Variants in PTK2 observed in about 807,000 individuals in gnomAD.
PTK2 encodes protein tyrosine kinase 2.
Under a neutral mutation model 150.1 loss-of-function variants are expected in PTK2, and 45 were observed. The observed-to-expected ratio is 0.30, with a 90% CI of 0.24 to 0.38. The LOEUF (loss-of-function observed/expected upper bound fraction) is 0.38. PTK2 is among the 10% of genes least tolerant of loss of function. The probability of loss-of-function intolerance (pLI) is 1.00; values close to 1 mark genes in which losing one functional copy is unlikely to be tolerated. For synonymous variants in PTK2, 432 were observed against 449.2 expected, an observed-to-expected ratio of 0.96 and a Z score of 0.48; for missense variants, 919 against 1,307.3, an observed-to-expected ratio of 0.70 and a Z score of 4.58.
chr8:140,823,738 G>A (rs1309100916), intron 8 of PTK2, among the ~76,000 whole-genome samples: 1 of 152,128 alleles, frequency 6.6e-6, no homozygotes, highest in East Asian at 1.9e-4. Context: ...ATGCATCACG[G>A]GCAGTCCCAC....
intron 4 of PTK2, 148 bp downstream of exon 4, chr8:140,879,323 T>TGAA (rs1281262167): frequency 1.2e-6 from 1 of 807,576 alleles, no homozygotes; most frequent in Non-Finnish European, 1.8e-6. Context: ...AGATCATTCG[T>TGAA]TAATAATTAC....
chr8:140,974,829 A>G (rs1306624788), intron 1 of PTK2, among the ~76,000 whole-genome samples: 2 of 152,178 alleles, frequency 1.3e-5, no homozygotes, highest in African/African-American at 4.8e-5. Flanking sequence ...CTAAGAGACA[A>G]TGTTCCCTCA....
chr8:140,751,071 A>G (rs562276872), intron 17 of PTK2, among the ~76,000 whole-genome samples: 2 of 152,062 alleles, frequency 1.3e-5, no homozygotes, highest in Non-Finnish European at 2.9e-5. Flanking sequence ...CGAGACAGAC[A>G]CTGCCTCAAA....
chr8:140,932,500 G>A (rs1349628802), intron 1 of PTK2, among the ~76,000 whole-genome samples: 1 of 152,150 alleles, frequency 6.6e-6, no homozygotes, highest in Non-Finnish European at 1.5e-5. Flanking sequence ...ACAGATGTGA[G>A]CCACCATTTC....
chr8:140,923,617 A>C (rs1485997525), intron 2 of PTK2, among the ~76,000 whole-genome samples: 1 of 152,256 alleles, frequency 6.6e-6, no homozygotes, highest in African/African-American at 2.4e-5. Flanking sequence ...TAATGGCAAC[A>C]TAAGTGAAAA....
chr8:140,797,666 T>C (rs975092982), intron 12 of PTK2, among the ~76,000 whole-genome samples: 3 of 152,142 alleles, frequency 2.0e-5, no homozygotes, highest in Non-Finnish European at 2.9e-5. Flanking sequence ...CACTGCAAAA[T>C]TGATTGTATA....
At chr8:140,800,045 T>C (rs1040836634) in intron 12 of PTK2, among the ~76,000 whole-genome samples, 5 of 152,228 alleles carry the variant, frequency 3.3e-5, no homozygotes, top group African/African-American at 4.8e-5. Context: ...CTTTCTTCTT[T>C]GAATGCTCTA....
intron 8 of PTK2, among the ~76,000 whole-genome samples, chr8:140,820,234 G>A (rs533736370): frequency 1.6e-4 from 24 of 151,392 alleles, no homozygotes; most frequent in African/African-American, 4.8e-4. Context: ...CTGAGTAGCT[G>A]GGATTACAGG....
intron 4 of PTK2, 162 bp downstream of exon 4, chr8:140,879,309 G>A (rs2100147554): frequency 1.4e-6 from 1 of 690,762 alleles, no homozygotes; most frequent in Non-Finnish European, 2.2e-6. Context: ...TAGAGGTCTA[G>A]AAGAGATCAT....
intron 21 of PTK2, among the ~76,000 whole-genome samples, chr8:140,737,044 C>G (rs1171490381): frequency 6.6e-6 from 1 of 152,114 alleles, no homozygotes; most frequent in Non-Finnish European, 1.5e-5. Context: ...CTTTTCTCAC[C>G]AGAAGTTACA....
chr8:140,870,000 A>T (rs2100141614), intron 4 of PTK2, among the ~76,000 whole-genome samples: 1 of 152,206 alleles, frequency 6.6e-6, no homozygotes, highest in Non-Finnish European at 1.5e-5. Flanking sequence ...GCAAAGTATG[A>T]ACAATATAAT....
intron 22 of PTK2, among the ~76,000 whole-genome samples, chr8:140,719,152 G>A (rs753038160): frequency 4.6e-5 from 7 of 151,926 alleles, no homozygotes; most frequent in Non-Finnish European, 7.4e-5. Context: ...CTCCAGCCTG[G>A]GCAACAGAAT....
At chr8:140,661,780 G>C (rs895741145) in intron 31 of PTK2, among the ~76,000 whole-genome samples, 2 of 152,046 alleles carry the variant, frequency 1.3e-5, no homozygotes, top group African/African-American at 4.8e-5. Context: ...GGGAAAGCAG[G>C]GGCTCTGGCA....
rs761043639 is a variant in PTK2 at position 140,830,553 on chromosome 8, C to G, written c.594-27G>C. The G allele has an allele frequency of 1.2e-5, 15 of 1,263,890 alleles. No homozygotes were observed. In the South Asian group the frequency reaches 2.2e-4, roughly 18 times the overall value. 78.3% of individuals were successfully genotyped at this position (1,263,890 alleles called of 1,614,324 possible). A position where few individuals can be genotyped will look rare whatever the true frequency, so the allele number is the denominator to read the frequency against. On this transcript the variant is annotated intron_variant, in intron 7 of 31. Coordinates refer to ENST00000522684, the Ensembl canonical transcript of PTK2. Reference sequence around the variant, plus strand: ...TGAAATATAAAAAGAAGCGTATTAACAAATAACACCACCAAATCAATTAAT... The same window carrying G: ...TGAAATATAAAAAGAAGCGTATTAAGAAATAACACCACCAAATCAATTAAT...
intron 30 of PTK2, among the ~76,000 whole-genome samples, chr8:140,667,684 C>T (rs1233698234): frequency 1.3e-5 from 2 of 152,182 alleles, no homozygotes; most frequent in Non-Finnish European, 2.9e-5. Context: ...CATTAGTTTA[C>T]TGGCATGATA....
chr8:140,795,209 C>A (rs1412983277), intron 12 of PTK2, among the ~76,000 whole-genome samples: 1 of 152,164 alleles, frequency 6.6e-6, no homozygotes, highest in African/African-American at 2.4e-5. Flanking sequence ...AGCACAGCAG[C>A]CAGAGTACTT....
chr8:140,859,796 G>A (rs1051206430), intron 5 of PTK2, among the ~76,000 whole-genome samples: 1 of 115,278 alleles, frequency 8.7e-6, no homozygotes, highest in Admixed American at 1.4e-4. Context: ...AGAAACCTCT[G>A]GATTCCAAAC....
intron 14 of PTK2, among the ~76,000 whole-genome samples, chr8:140,778,376 G>A (rs1205724324): frequency 6.6e-6 from 1 of 152,154 alleles, no homozygotes; most frequent in Non-Finnish European, 1.5e-5. Flanking sequence ...GCTTGAACCC[G>A]GGAAGCGGAG....
chr8:140,822,540 T>C (rs2100109401), intron 8 of PTK2: 1 of 152,220 alleles, frequency 6.6e-6, no homozygotes, highest in Non-Finnish European at 1.5e-5. Context: ...GGTACAAGAA[T>C]TGTGATTCTA....
Sources: allele counts gnomAD v4.1 joint callset (sites outside exome capture counted in the v4.1 genomes callset), GRCh38; gene constraint gnomAD v4.1.1; transcripts MANE v1.5; gene names NCBI Gene and HGNC (gene_info 2026-07-23, HGNC 2026-07-21).